The following PINX1 variants were observed in gnomAD, a reference collection of about 807,000 sequenced individuals.
PINX1 encodes the protein PIN2/TERF1-interacting telomerase inhibitor 1.
Under a neutral mutation model 25.4 loss-of-function variants are expected in PINX1, and 34 were observed. That is an observed-to-expected ratio of 1.34 (90% CI 1.02 to 1.78). The LOEUF is 1.78. PINX1 is among the 40% of genes most tolerant of loss of function. The pLI, the probability that PINX1 is intolerant of heterozygous loss-of-function variation, is 0.00. For synonymous variants in PINX1, 197 were observed against 147.7 expected, an observed-to-expected ratio of 1.33 and a Z score of -2.42; for missense variants, 592 against 404.9, an observed-to-expected ratio of 1.46 and a Z score of -3.97.
chr8:10,836,236 G>T (rs1273680693), intron 1 of PINX1, among the ~76,000 whole-genome samples: 1 of 151,992 alleles, frequency 6.6e-6, no homozygotes, highest in Non-Finnish European at 1.5e-5. Flanking sequence ...AGAAAAAAAG[G>T]CCCTTAACAA....
At chr8:10,815,824 A>T (rs1229486259) in intron 6 of PINX1, among the ~76,000 whole-genome samples, 1 of 152,256 alleles carries the variant, frequency 6.6e-6, no homozygotes, top group Non-Finnish European at 1.5e-5. Flanking sequence ...AAGACATCAA[A>T]TGATTTGATC....
At chr8:10,784,219 C>T (rs551463414) in intron 6 of PINX1, among the ~76,000 whole-genome samples, 7 of 152,170 alleles carry the variant, frequency 4.6e-5, no homozygotes, top group Admixed American at 2.6e-4. Context: ...GGAGGCTGAT[C>T]TAAAACGAAA....
At chr8:10,801,727 A>C (rs1414394572) in intron 6 of PINX1, among the ~76,000 whole-genome samples, 1 of 152,162 alleles carries the variant, frequency 6.6e-6, no homozygotes, top group African/African-American at 2.4e-5. Context: ...ACTACAGCAA[A>C]CCACCTCTAA....
intron 6 of PINX1, among the ~76,000 whole-genome samples, chr8:10,777,059 C>T (rs1345002142): frequency 6.6e-6 from 1 of 152,246 alleles, no homozygotes; most frequent in African/African-American, 2.4e-5. Context: ...CTTGCTTCAT[C>T]TGTCAACAAA....
Position 10,826,258 on chromosome 8 carries a change from G to GAA in PINX1, c.302-16_302-15dup. 1.5e-6 allele frequency: 2 copies of GAA among 1,362,734 alleles called. No individual in the cohort carries two copies. The highest frequency in any genetic ancestry group is 2.1e-6 in the Non-Finnish European group (2 of 972,318). The allele number at this position is 1,362,734 out of a possible 1,614,324, so 84.4% of individuals were successfully genotyped here. A position where few individuals can be genotyped will look rare whatever the true frequency, so the allele number is the denominator to read the frequency against. ...TGTCCGAGGAATCTTTAAAAAAGAT[G>GAA]AAAAAAATACATTAAAGTCTTTCTA... On this transcript the variant is annotated splice_polypyrimidine_tract_variant and intron_variant, in intron 4 of 6. Transcript: ENST00000314787.
intron 5 of PINX1, chr8:10,825,495 C>A (rs1464324075): frequency 1.9e-6 from 1 of 532,416 alleles, no homozygotes; most frequent in African/African-American, 1.9e-5. Flanking sequence ...TTGCTTCTTT[C>A]CAATGCAAGA....
chr8:10,772,037 G>C (rs954580265), intron 6 of PINX1, among the ~76,000 whole-genome samples: 1 of 152,206 alleles, frequency 6.6e-6, no homozygotes, highest in African/African-American at 2.4e-5. Context: ...AAAAAAGCAA[G>C]GTACTGTGTG....
intron 5 of PINX1, among the ~76,000 whole-genome samples, chr8:10,822,903 A>C (rs1368064954): frequency 6.6e-6 from 1 of 152,242 alleles, no homozygotes; most frequent in Non-Finnish European, 1.5e-5. Context: ...AGTTTAGAAA[A>C]TTCATTTGCA....
chr8:10,778,092 A>G (rs1339783353), intron 6 of PINX1, among the ~76,000 whole-genome samples: 2 of 152,182 alleles, frequency 1.3e-5, no homozygotes, highest in Admixed American at 1.3e-4. Flanking sequence ...TCCAAGGATT[A>G]CACTCTTTAG....
chr8:10,839,384 G>A (rs374457424), intron 1 of PINX1, among the ~76,000 whole-genome samples: 6 of 152,212 alleles, frequency 3.9e-5, no homozygotes, highest in East Asian at 3.9e-4. Flanking sequence ...TTAACCTCAG[G>A]AAGCTGAGGT....
At chr8:10,837,060 C>A (rs1203000899) in intron 1 of PINX1, among the ~76,000 whole-genome samples, 1 of 152,224 alleles carries the variant, frequency 6.6e-6, no homozygotes, top group Non-Finnish European at 1.5e-5. Context: ...CTTTGAAAGG[C>A]CTGTTCATAA....
chr8:10,783,806 G>A (rs2129074453), intron 6 of PINX1, among the ~76,000 whole-genome samples: 1 of 152,338 alleles, frequency 6.6e-6, no homozygotes, highest in South Asian at 2.1e-4. Flanking sequence ...ATGAAATAAT[G>A]AGATATTACC....
Position 10,795,643 on chromosome 8 carries a change from C to A in PINX1, c.471+24550G>T, listed in dbSNP as rs370022144. On this transcript the variant is annotated intron_variant, in intron 6 of 6. Transcript: ENST00000314787. ...CTCGAACTCTTGACCTCGTGATCCA[C>A]CTGCCTCAGCCCAATAAAAGTCTTT... is the stretch of plus-strand genomic sequence containing the variant. 5.8e-4 allele frequency among the ~76,000 whole-genome samples: 89 copies of A among 152,294 alleles called. 1 individual carries two copies. The highest frequency in any genetic ancestry group is 1.9e-3 in the African/African-American group (80 of 41,566).
chr8:10,827,665 GGT>G, intron 4 of PINX1, among the ~76,000 whole-genome samples: 1 of 151,798 alleles, frequency 6.6e-6, no homozygotes, highest in East Asian at 1.9e-4. Flanking sequence ...CCAGCACTTT[GGT>G]AGGCCGCAGC....
At chr8:10,794,779 C>T (rs1045850850) in intron 6 of PINX1, among the ~76,000 whole-genome samples, 6 of 152,086 alleles carry the variant, frequency 3.9e-5, no homozygotes, top group African/African-American at 9.7e-5. Context: ...TAGACTTTTA[C>T]GGGTTTAAAA....
chr8:10,790,098 C>A lies in PINX1; in HGVS notation c.472-24182G>T, dbSNP rs560848823. ...CAGGTGGAGGCGCCGTCTGCACTCA[C>A]TCTCAGGACTCAGGTTCCCTCCTCA... is the stretch of plus-strand genomic sequence containing the variant. On this transcript the variant is annotated intron_variant, in intron 6 of 6. Transcript: ENST00000314787. 2.0e-5 allele frequency among the ~76,000 whole-genome samples: 3 copies of A among 152,236 alleles called. No homozygotes were observed. The East Asian group carries it at 5.8e-4, about 29-fold the overall frequency.
At chr8:10,803,764 G>C (rs1802345784) in intron 6 of PINX1, among the ~76,000 whole-genome samples, 1 of 152,124 alleles carries the variant, frequency 6.6e-6, no homozygotes, top group Non-Finnish European at 1.5e-5. Context: ...TAAATAGTAG[G>C]TTCTTTATTA....
At chr8:10,822,563 T>A (rs1364727861) in intron 5 of PINX1, among the ~76,000 whole-genome samples, 1 of 152,226 alleles carries the variant, frequency 6.6e-6, no homozygotes, top group Non-Finnish European at 1.5e-5. Flanking sequence ...TTGCTTTAGC[T>A]GTTTGTCTAA....
At chr8:10,774,265 T>C (rs1801318344) in intron 6 of PINX1, among the ~76,000 whole-genome samples, 1 of 152,212 alleles carries the variant, frequency 6.6e-6, no homozygotes, top group African/African-American at 2.4e-5. Flanking sequence ...AATCTTCTAA[T>C]TTCTAAAAAG....
Sources: gnomAD v4.1 joint callset for allele counts (sites outside exome capture counted in the v4.1 genomes callset) on GRCh38, gnomAD v4.1.1 for gene constraint, MANE v1.5 for transcripts, NCBI Gene and HGNC (gene_info 2026-07-23, HGNC 2026-07-21) for gene names.